AMPD3: variants seen among roughly 807,000 people sequenced by gnomAD.
The protein encoded by AMPD3 is AMP deaminase 3.
In AMPD3, 57 loss-of-function variants were observed where a neutral mutation model predicts 82.3. The ratio of observed to expected loss-of-function variants is 0.69; its 90% CI spans 0.56 to 0.86. The LOEUF (loss-of-function observed/expected upper bound fraction) is 0.86. Among genes scored for constraint, AMPD3 ranks in the 40% least tolerant of loss-of-function variants. The pLI is 0.00. For synonymous variants in AMPD3, 381 were observed against 394.7 expected (o/e 0.97, Z 0.41); for missense variants, 870 against 1,003.8 (o/e 0.87, Z 1.80).
intron 5 of AMPD3, chr11:10,486,732 A>T (rs972118776): frequency 1.0e-6 from 1 of 985,196 alleles, no homozygotes; most frequent in Non-Finnish European, 1.2e-6. Context: ...TTATAGTTTG[A>T]CTGTGTTATC....
At position 10,461,912 on chromosome 11, in the gene AMPD3, G is replaced by A. The variant is rs112960206; in HGVS notation, c.221+172G>A. Among the ~76,000 whole-genome samples the A allele has an allele frequency of 2.8e-3, 427 of 152,172 alleles. 5 individuals carry two copies. The highest frequency in any genetic ancestry group is 9.8e-3 in the African/African-American group (408 of 41,502). ...CCTCTTATTTATTGAGGGATGTCTC[G>A]GTGCCTCTGTTGCACTGAAAAGATC... is the stretch of plus-strand genomic sequence containing the variant. On this transcript the variant is annotated intron_variant, in intron 2 of 14. Transcript: ENST00000396553.
At chr11:10,500,596 T>C in intron 11 of AMPD3, 3 of 985,296 alleles carry the variant, frequency 3.0e-6, no homozygotes, top group Non-Finnish European at 3.6e-6. Flanking sequence ...ATCCCTGAGA[T>C]AATGGAAGCA....
intron 2 of AMPD3, among the ~76,000 whole-genome samples, chr11:10,470,159 C>T (rs1430507614): frequency 2.0e-5 from 3 of 152,132 alleles, no homozygotes; most frequent in Non-Finnish European, 2.9e-5. Context: ...GCTGGTTCAA[C>T]ATATGCAAAT....
rs114343351 is a variant in AMPD3, at chr11:10,492,216, C to A, written c.940-1133C>A. ...TGCCTTCTGCAAAAAACTGCCTTTC[C>A]CTGGAATGTGGGGAGAAGTCTAAGC... On this transcript the variant is annotated intron_variant, in intron 6 of 14. Transcript: ENST00000396553. 1.7e-3 allele frequency among the ~76,000 whole-genome samples: 264 copies of A among 152,328 alleles called. 2 individuals carry two copies. Among genetic ancestry groups the A allele is most frequent in the African/African-American group, 6.2e-3 (258 of 41,578 alleles).
At position 10,502,840 on chromosome 11, in the gene AMPD3, G is replaced by T; in HGVS notation, c.1962G>T (p.Lys654Asn). ...ACCCTCTGAGGGAATTCCTACACAA[G>T]GGACTGCATGTTTCTCTTTCCACCG... The part of the protein sequence containing the change: ...SKNPLREFLH[K>N]GLHVSLSTDD... Residue 654 changes from lysine to asparagine, a missense_variant, in exon 13 of 15, where the codon AAG becomes AAT. Physicochemically the swap from Lys to Asn is moderately conservative, Grantham distance 94. Transcript: ENST00000396553. The T allele has an allele frequency of 6.2e-7, 1 of 1,614,226 alleles. No homozygotes were observed. The highest frequency in any genetic ancestry group is 8.5e-7 in the Non-Finnish European group (1 of 1,180,032).
intron 2 of AMPD3, among the ~76,000 whole-genome samples, chr11:10,476,597 G>A (rs1216382096): frequency 6.6e-6 from 1 of 152,152 alleles, no homozygotes; most frequent in Non-Finnish European, 1.5e-5. Context: ...ATTTGGAGGT[G>A]AGGTTGCATG....
intron 8 of AMPD3, 121 bp from the exon 9 acceptor site, chr11:10,495,449 G>C: frequency 6.4e-7 from 1 of 1,574,210 alleles, no homozygotes; most frequent in East Asian, 2.3e-5. Context: ...ATTTAGATGA[G>C]TGCTTCCAGC....
intron 2 of AMPD3, among the ~76,000 whole-genome samples, chr11:10,466,745 G>A (rs1416147181): frequency 6.6e-6 from 1 of 152,212 alleles, no homozygotes; most frequent in Non-Finnish European, 1.5e-5. Flanking sequence ...TATCCTGACT[G>A]GGAGACACCT....
intron 5 of AMPD3, chr11:10,486,987 A>G (rs1849089920): frequency 1.0e-6 from 1 of 985,316 alleles, no homozygotes; most frequent in Admixed American, 6.1e-5. Context: ...CAAGAAGTCA[A>G]AACACCTGTA....
intron 7 of AMPD3, chr11:10,494,447 G>A (rs1448061063): frequency 1.7e-6 from 1 of 588,528 alleles, no homozygotes; most frequent in South Asian, 7.5e-5. Flanking sequence ...TAAAGCCACT[G>A]GAACTGTATG....
chr11:10,471,324 A>G (rs1006092644), intron 2 of AMPD3, among the ~76,000 whole-genome samples: 2 of 152,250 alleles, frequency 1.3e-5, no homozygotes, highest in Non-Finnish European at 2.9e-5. Flanking sequence ...TGGATTAAAG[A>G]CTTAAATGTA....
Position 10,495,603 on chromosome 11 carries a change from C to A in AMPD3, c.1300C>A (p.Gln434Lys), listed in dbSNP as rs765301994. 1 of 1,613,474 alleles carries A rather than the reference C, an allele frequency of 6.2e-7. No individual in the cohort carries two copies. The highest frequency in any genetic ancestry group is 8.5e-7 in the Non-Finnish European group (1 of 1,180,024). ...CCGGGAGCTGGAGGAGAGCAAGTAC[C>A]AGTACTCAGAGCCACGGCTCTCCAT... Reference protein sequence around the residue: ...VARELEESKYQYSEPRLSIYG... With the variant: ...VARELEESKYKYSEPRLSIYG... The change falls in exon 9 of 15, where the codon CAG becomes AAG. Residue 434 changes from glutamine (Q) to lysine (K), a missense_variant. Transcript: ENST00000396553.
intron 9 of AMPD3, chr11:10,496,540 C>G (rs1487928901): frequency 4.1e-6 from 4 of 985,326 alleles, no homozygotes; most frequent in Non-Finnish European, 4.8e-6. Context: ...CTTGGTCAGC[C>G]AGAATGCCAC....
intron 7 of AMPD3, 76 bp from the exon 8 acceptor site, chr11:10,494,823 T>A: frequency 6.3e-7 from 1 of 1,580,926 alleles, no homozygotes; most frequent in Non-Finnish European, 8.7e-7. Context: ...GAAGGCCGCC[T>A]CGTAAAGGTC....
At chr11:10,489,595 C>T (rs12795565) in intron 6 of AMPD3, among the ~76,000 whole-genome samples, 24,625 of 152,146 alleles carry the variant, frequency 0.16, 2,800 homozygotes, top group African/African-American at 0.33. Flanking sequence ...TTAGGCACCA[C>T]AGTCAGTCCA....
chr11:10,467,524 G>A (rs1848455734), intron 2 of AMPD3, among the ~76,000 whole-genome samples: 1 of 152,196 alleles, frequency 6.6e-6, no homozygotes, highest in South Asian at 2.1e-4. Context: ...TATGTGCAAA[G>A]ACCAAACCTA....
At chr11:10,493,113 A>G (rs2133917946) in intron 6 of AMPD3, among the ~76,000 whole-genome samples, 1 of 152,278 alleles carries the variant, frequency 6.6e-6, no homozygotes, top group African/African-American at 2.4e-5. Context: ...TCCAATCTGC[A>G]TTTTAAAAAG....
chr11:10,466,751 C>T (rs772913528), intron 2 of AMPD3, among the ~76,000 whole-genome samples: 1 of 152,212 alleles, frequency 6.6e-6, no homozygotes, highest in African/African-American at 2.4e-5. Flanking sequence ...GACTGGGAGA[C>T]ACCTCCCAGT....
At chr11:10,484,761 A>G (rs1434743835) in intron 4 of AMPD3, 59 bp from the exon 5 acceptor site, 7 of 1,588,784 alleles carry the variant, frequency 4.4e-6, no homozygotes, top group East Asian at 4.5e-5. Flanking sequence ...GTGTCTTTTG[A>G]GCCCATGTGT....
Sources: gnomAD v4.1 joint callset for allele counts (sites outside exome capture counted in the v4.1 genomes callset) on GRCh38, gnomAD v4.1.1 for gene constraint, MANE v1.5 for transcripts, NCBI Gene and HGNC (gene_info 2026-07-23, HGNC 2026-07-21) for gene names.